TLL1: variants seen among roughly 807,000 people sequenced by gnomAD.
TLL1 encodes tolloid-like protein 1.
Under a neutral mutation model 128.2 loss-of-function variants are expected in TLL1, and 49 were observed. The observed-to-expected ratio is 0.38, with a 90% CI of 0.30 to 0.48. The LOEUF (loss-of-function observed/expected upper bound fraction) is 0.48, where lower values mean the gene tolerates loss of function less well. Among genes scored for constraint, TLL1 ranks in the 20% least tolerant of loss-of-function variants. The pLI is 0.96. For missense variants in TLL1, 1,123 were observed against 1,242.0 expected (o/e 0.90, Z 1.44); for synonymous variants, 454 against 418.8 (o/e 1.08, Z -1.03).
intron 1 of TLL1, among the ~76,000 whole-genome samples, chr4:165,984,107 T>G (rs1282808443): frequency 6.6e-6 from 1 of 151,872 alleles, no homozygotes; most frequent in African/African-American, 2.4e-5. Flanking sequence ...AATAATGGAC[T>G]GCAGATACTT....
At position 165,874,091 on chromosome 4, in the gene TLL1, T is replaced by A; in HGVS notation, c.169+18T>A. On this transcript the variant is annotated intron_variant, in intron 1 of 20. Transcript: ENST00000061240. ...TAAAGCCGGTAAGTGGCTCTCCAGG[T>A]TGGGACGGTGGCGCGCCGGGGGCCG... 3 of 1,613,872 alleles carry A rather than the reference T, an allele frequency of 1.9e-6. No individual in the cohort carries two copies. Among genetic ancestry groups the A allele is most frequent in the Non-Finnish European group, 2.5e-6 (3 of 1,179,898 alleles).
intron 2 of TLL1, 122 bp downstream of exon 2, chr4:165,989,613 A>G: frequency 1.4e-6 from 1 of 691,298 alleles, no homozygotes; most frequent in Non-Finnish European, 2.5e-6. Context: ...CCTATACACA[A>G]ATATACATAT....
chr4:166,035,027 C>T (rs751394284), intron 9 of TLL1, among the ~76,000 whole-genome samples: 7 of 152,172 alleles, frequency 4.6e-5, no homozygotes, highest in East Asian at 1.9e-4. Context: ...AGAGCCCTCC[C>T]GGCTTAATCA....
At chr4:165,900,144 G>T (rs563270090) in intron 1 of TLL1, among the ~76,000 whole-genome samples, 1 of 151,078 alleles carries the variant, frequency 6.6e-6, no homozygotes, top group East Asian at 1.9e-4. Flanking sequence ...TTGTGAGATG[G>T]GTCTCCTGAA....
At chr4:166,048,236 C>CA (rs1426232654) in intron 12 of TLL1, among the ~76,000 whole-genome samples, 5 of 105,056 alleles carry the variant, frequency 4.8e-5, no homozygotes, top group Admixed American at 1.1e-4. Flanking sequence ...AATTCCGTCT[C>CA]GGAAAAAAAA....
At chr4:166,081,069 A>G (rs916238426) in intron 18 of TLL1, among the ~76,000 whole-genome samples, 2 of 152,044 alleles carry the variant, frequency 1.3e-5, no homozygotes, top group Non-Finnish European at 2.9e-5. Context: ...TCTTCTCTTC[A>G]TGGCAGTGAA....
chr4:166,057,319 C>A lies in TLL1; in HGVS notation c.1846+10C>A, dbSNP rs763269986. 5.0e-6 allele frequency: 8 copies of A among 1,613,564 alleles called. No individual in the cohort carries two copies. Among genetic ancestry groups the A allele is most frequent in the Non-Finnish European group, 6.8e-6 (8 of 1,179,854 alleles). On this transcript the variant is annotated intron_variant, in intron 14 of 20. Coordinates refer to ENST00000061240, the MANE Select transcript of TLL1 (RefSeq NM_012464.5). ...AGAAGGAGCTGTGAAGGTATGACTGCACTCCTTCCTGGACCCCCACCCCCC... is the reference window on the plus strand; with the variant it reads ...AGAAGGAGCTGTGAAGGTATGACTGAACTCCTTCCTGGACCCCCACCCCCC...
chr4:166,079,323 T>G (rs891649166), intron 18 of TLL1, among the ~76,000 whole-genome samples: 25 of 152,190 alleles, frequency 1.6e-4, no homozygotes, highest in African/African-American at 5.8e-4. Context: ...AAATTTTTTT[T>G]GGGTATCATA....
Position 165,874,031 on chromosome 4 carries a change from G to T in TLL1, c.127G>T (p.Asp43Tyr), listed in dbSNP as rs773632261. Reference protein sequence around the residue: ...YDYTFDGNEEDKTETIDYKDP... With the variant: ...YDYTFDGNEEYKTETIDYKDP... ...TTACACTTTTGATGGGAACGAAGAGGATAAAACAGAGACTATAGATTACAA... is the reference window on the plus strand; with the variant it reads ...TTACACTTTTGATGGGAACGAAGAGTATAAAACAGAGACTATAGATTACAA... The change falls in exon 1 of 21, where the codon GAT (aspartate) becomes TAT (tyrosine). Residue 43 changes from aspartate (D) to tyrosine (Y), a missense_variant. Transcript: ENST00000061240. 7 of 1,614,052 alleles carry T rather than the reference G, an allele frequency of 4.3e-6. No individual in the cohort carries two copies. In the African/African-American group the frequency reaches 8.0e-5, roughly 18 times the overall value.
rs1279548115 is a variant in TLL1, at chr4:165,934,246, C to G, written c.170-55135C>G. ...GCCAGGTTGGTCTTGAACTCCTGAC[C>G]TCAGGTGATCCACCCGCCTCAGCCT... On this transcript the variant is annotated intron_variant, in intron 1 of 20. Coordinates refer to ENST00000061240, the MANE Select transcript of TLL1 (RefSeq NM_012464.5). 1.9e-4 allele frequency among the ~76,000 whole-genome samples: 28 copies of G among 150,018 alleles called. 1 individual carries two copies. The highest frequency in any genetic ancestry group is 1.9e-3 in the Admixed American group (28 of 15,014).
intron 16 of TLL1, among the ~76,000 whole-genome samples, chr4:166,069,650 C>A (rs1740720666): frequency 6.6e-6 from 1 of 150,744 alleles, no homozygotes; most frequent in Admixed American, 6.6e-5. Context: ...CACATAGCCT[C>A]AGATTTTTAA....
intron 1 of TLL1, among the ~76,000 whole-genome samples, chr4:165,958,543 C>T (rs1315295206): frequency 6.7e-6 from 1 of 150,144 alleles, no homozygotes. Context: ...CCTTTGCCCA[C>T]TTTTTGATGG....
rs760021584 is a variant in TLL1 at position 166,091,284 on chromosome 4, C to T, written c.2599C>T (p.Arg867Trp). The T allele has an allele frequency of 6.2e-6, 10 of 1,612,956 alleles. No individual in the cohort carries two copies. The highest frequency in any genetic ancestry group is 2.7e-5 in the African/African-American group (2 of 74,962). ...GGCTACTGGAAATAAAATGTTTGTT[C>T]GGTTTGTTTCTGATGCATCTGTTCA... Reference protein sequence around the residue: ...LVATGNKMFVRFVSDASVQRK... With the variant: ...LVATGNKMFVWFVSDASVQRK... The change falls in exon 19 of 21, where the codon CGG (arginine) becomes TGG (tryptophan). Residue 867 changes from arginine to tryptophan, a missense_variant. Around this residue, in one of 3 missense-constraint regions of TLL1, gnomAD observed 634 missense variants for 672.4 expected, o/e 0.94. Transcript: ENST00000061240.
chr4:166,093,538 T>C (rs1202704452), intron 19 of TLL1, among the ~76,000 whole-genome samples: 1 of 152,140 alleles, frequency 6.6e-6, no homozygotes, highest in Non-Finnish European at 1.5e-5. Context: ...GGGTTTTATA[T>C]CAAGACATTC....
At chr4:166,030,637 A>G (rs1738726181) in intron 9 of TLL1, 2 of 742,238 alleles carry the variant, frequency 2.7e-6, no homozygotes, top group South Asian at 5.7e-5. Flanking sequence ...CTATAGTTTT[A>G]CAGTCTTATA....
At chr4:165,983,104 A>C (rs1736227834) in intron 1 of TLL1, among the ~76,000 whole-genome samples, 1 of 151,910 alleles carries the variant, frequency 6.6e-6, no homozygotes, top group Non-Finnish European at 1.5e-5. Flanking sequence ...ATACACACAA[A>C]AAAGTTTCAA....
At chr4:166,081,102 G>A (rs1741265685) in intron 18 of TLL1, among the ~76,000 whole-genome samples, 1 of 152,110 alleles carries the variant, frequency 6.6e-6, no homozygotes, top group South Asian at 2.1e-4. Context: ...TATCTTATGA[G>A]TCTTCCATGG....
chr4:165,926,381 G>A (rs1024114413), intron 1 of TLL1, among the ~76,000 whole-genome samples: 4 of 152,224 alleles, frequency 2.6e-5, no homozygotes, highest in East Asian at 1.9e-4. Flanking sequence ...TTTTAAACAC[G>A]CGAGTGACTT....
At chr4:165,986,905 T>C (rs7682118) in intron 1 of TLL1, among the ~76,000 whole-genome samples, 19,673 of 152,094 alleles carry the variant, frequency 0.13, 3,731 homozygotes, top group African/African-American at 0.42. Context: ...TTTGCTTAGT[T>C]GAGTGCCTCC....
Sources: allele counts gnomAD v4.1 joint callset (sites outside exome capture counted in the v4.1 genomes callset), GRCh38; gene constraint gnomAD v4.1.1; regional missense constraint gnomAD v4.1.1; transcripts MANE v1.5; gene names NCBI Gene and HGNC (gene_info 2026-07-23, HGNC 2026-07-21).